The following XPR1 variants were observed in gnomAD, a reference collection of about 807,000 sequenced individuals.
XPR1 encodes the protein xenotropic and polytropic retrovirus receptor 1, also known as solute carrier family 53 member 1.
A neutral mutation model predicts 87.5 loss-of-function variants in XPR1; 28 were observed. The ratio of observed to expected loss-of-function variants is 0.32; its 90% CI spans 0.24 to 0.44. XPR1 has a LOEUF of 0.44. Among genes scored for constraint, XPR1 ranks in the 20% least tolerant of loss-of-function variants. XPR1 has a pLI of 1.00. For missense variants in XPR1, 559 were observed against 862.3 expected (o/e 0.65, Z 4.41); for synonymous variants, 300 against 306.1 (o/e 0.98, Z 0.21).
rs145633472 is a variant in XPR1, at chr1:180,856,452, G to A, written c.1502-7256G>A. Among the ~76,000 whole-genome samples the A allele has an allele frequency of 5.4e-3, 822 of 152,280 alleles. 34 individuals carry two copies. Among genetic ancestry groups the A allele is most frequent in the Admixed American group, 0.044 (677 of 15,296 alleles). ...ATTTTGATGGTTGCAACCACTGTCT[G>A]TGTGACTCCCCAGTCTGTATCTGAA... On this transcript the variant is annotated intron_variant, in intron 11 of 14. Transcript: ENST00000367590.
intron 2 of XPR1, among the ~76,000 whole-genome samples, chr1:180,703,638 C>A (rs1286814776): frequency 6.6e-6 from 1 of 152,148 alleles, no homozygotes; most frequent in East Asian, 1.9e-4. Flanking sequence ...AGATTTTTTA[C>A]ATGGCCCCTA....
intron 1 of XPR1, among the ~76,000 whole-genome samples, chr1:180,671,662 C>A (rs1421206790): frequency 6.6e-6 from 1 of 152,056 alleles, no homozygotes; most frequent in Non-Finnish European, 1.5e-5. Flanking sequence ...TTACATGTGT[C>A]AACTACCAAG....
At chr1:180,650,050 T>C (rs1245172194) in intron 1 of XPR1, among the ~76,000 whole-genome samples, 1 of 152,164 alleles carries the variant, frequency 6.6e-6, no homozygotes, top group Non-Finnish European at 1.5e-5. Context: ...CTCTCTCTGC[T>C]GTCTTCTAAA....
intron 2 of XPR1, among the ~76,000 whole-genome samples, chr1:180,774,384 C>CTT (rs71121051): frequency 1.9e-3 from 130 of 68,884 alleles, no homozygotes; most frequent in East Asian, 2.4e-3. Flanking sequence ...TCTTTCCTAT[C>CTT]TTTTTTTTTT....
In XPR1 at chr1:180,686,426, G is replaced by A. The variant is rs570124479; in HGVS notation, c.121+4015G>A. Among the ~76,000 whole-genome samples the A allele has an allele frequency of 1.6e-3, 250 of 152,230 alleles. 1 individual carries two copies. Among genetic ancestry groups the A allele is most frequent in the African/African-American group, 5.6e-3 (234 of 41,536 alleles). On this transcript the variant is annotated intron_variant, in intron 2 of 14. Transcript: ENST00000367590. ...TTCCAACTATGTGGTCAGTTTTGGAGTAGGTGTGGTGTGGTGCTGAAAAGA... is the reference window on the plus strand; with the variant it reads ...TTCCAACTATGTGGTCAGTTTTGGAATAGGTGTGGTGTGGTGCTGAAAAGA...
chr1:180,693,218 G>A (rs979122028), intron 2 of XPR1, among the ~76,000 whole-genome samples: 1 of 152,166 alleles, frequency 6.6e-6, no homozygotes, highest in African/African-American at 2.4e-5. Context: ...TTTAAAGTTG[G>A]CAGAGTTCAA....
chr1:180,779,088 A>ATCCT (rs1420987288), intron 2 of XPR1, among the ~76,000 whole-genome samples: 11 of 152,194 alleles, frequency 7.2e-5, no homozygotes, highest in African/African-American at 2.6e-4. Flanking sequence ...GAATTATTTT[A>ATCCT]TCCTTGTTCT....
chr1:180,746,069 T>A (rs1659077891), intron 2 of XPR1, among the ~76,000 whole-genome samples: 1 of 152,222 alleles, frequency 6.6e-6, no homozygotes, highest in Non-Finnish European at 1.5e-5. Flanking sequence ...TCCTTTTTTT[T>A]CTTTTTCTGC....
At chr1:180,731,180 ATGCAGTTTAAAATT>A (rs1658544548) in intron 2 of XPR1, among the ~76,000 whole-genome samples, 1 of 152,216 alleles carries the variant, frequency 6.6e-6, no homozygotes, top group Non-Finnish European at 1.5e-5. Context: ...TGAACCACAT[ATGCAGTTTAAAATT>A]TTCTGTAGGT....
In XPR1 at chr1:180,632,200, G is replaced by A. The variant is rs1175243868; in HGVS notation, c.-2G>A. 3.1e-6 allele frequency: 5 copies of A among 1,607,544 alleles called. No homozygotes were observed. Among genetic ancestry groups the A allele is most frequent in the Non-Finnish European group, 4.2e-6 (5 of 1,176,926 alleles). On this transcript the variant is annotated 5_prime_UTR_variant, in exon 1 of 15. Transcript: ENST00000367590. ...GAGTGGGAGTGAGGGGGAAACGGCAGGATGAAGTTCGCCGAGCACCTCTCC... is the reference window on the plus strand; with the variant it reads ...GAGTGGGAGTGAGGGGGAAACGGCAAGATGAAGTTCGCCGAGCACCTCTCC...
chr1:180,666,713 G>A (rs1467911434), intron 1 of XPR1, among the ~76,000 whole-genome samples: 1 of 152,062 alleles, frequency 6.6e-6, no homozygotes, highest in Non-Finnish European at 1.5e-5. Context: ...TCATTGATTA[G>A]TTTTTCTTTT....
chr1:180,780,470 A>G (rs1050663902), intron 2 of XPR1, among the ~76,000 whole-genome samples: 21 of 152,156 alleles, frequency 1.4e-4, no homozygotes, highest in Admixed American at 3.3e-4. Context: ...AGAAATGTCT[A>G]TTCAGATTCT....
intron 2 of XPR1, among the ~76,000 whole-genome samples, chr1:180,771,261 C>T (rs1648501453): frequency 6.6e-6 from 1 of 151,922 alleles, no homozygotes; most frequent in South Asian, 2.1e-4. Flanking sequence ...TTAAGTCATT[C>T]TCTTGATTAA....
At chr1:180,697,766 CTT>C (rs1349469852) in intron 2 of XPR1, among the ~76,000 whole-genome samples, 2 of 152,074 alleles carry the variant, frequency 1.3e-5, no homozygotes, top group African/African-American at 2.4e-5. Flanking sequence ...CGAAGTTCCT[CTT>C]GTTATTGATT....
At chr1:180,732,242 C>T (rs1354088404) in intron 2 of XPR1, among the ~76,000 whole-genome samples, 2 of 149,002 alleles carry the variant, frequency 1.3e-5, no homozygotes, top group Non-Finnish European at 3.0e-5. Flanking sequence ...TGAAGTAAGA[C>T]ATTTTTTTCA....
intron 2 of XPR1, among the ~76,000 whole-genome samples, chr1:180,771,151 A>G (rs1648498703): frequency 2.0e-5 from 3 of 152,168 alleles, no homozygotes; most frequent in African/African-American, 7.2e-5. Flanking sequence ...CATATAGTAG[A>G]CACTTTAAAA....
At chr1:180,764,788 C>CTTTT (rs60659660) in intron 2 of XPR1, among the ~76,000 whole-genome samples, 9 of 129,704 alleles carry the variant, frequency 6.9e-5, no homozygotes, top group Non-Finnish European at 1.4e-4. Flanking sequence ...AATTTTTTTT[C>CTTTT]TTTTTTTTTT....
intron 11 of XPR1, among the ~76,000 whole-genome samples, chr1:180,840,487 ATCAG>A (rs1234753856): frequency 6.6e-6 from 1 of 150,826 alleles, no homozygotes; most frequent in Non-Finnish European, 1.5e-5. Flanking sequence ...TAATTGGGAA[ATCAG>A]TCAGACAAGT....
intron 11 of XPR1, among the ~76,000 whole-genome samples, chr1:180,840,177 T>C (rs1651453954): frequency 6.9e-6 from 1 of 145,072 alleles, no homozygotes; most frequent in Non-Finnish European, 1.5e-5. Context: ...GAGCCGAGAT[T>C]GCGCCACTGC....
Sources: allele counts gnomAD v4.1 joint callset (sites outside exome capture counted in the v4.1 genomes callset), GRCh38; gene constraint gnomAD v4.1.1; transcripts MANE v1.5; gene names NCBI Gene and HGNC (gene_info 2026-07-23, HGNC 2026-07-21).